The following API5 variants were observed in gnomAD, a reference collection of about 807,000 sequenced individuals.
API5 encodes the protein FIF.
A neutral mutation model predicts 71.9 loss-of-function variants in API5; 6 were observed. That is an observed-to-expected ratio of 0.08 (90% CI 0.05 to 0.16). The LOEUF is 0.16. API5 is among the 10% of genes least tolerant of loss of function. API5 has a pLI of 1.00. For synonymous variants in API5, 189 were observed against 221.3 expected, an observed-to-expected ratio of 0.85 and a Z score of 1.30; for missense variants, 332 against 612.8, an observed-to-expected ratio of 0.54 and a Z score of 4.84.
At chr11:43,330,134 A>G in intron 10 of API5, 76 bp downstream of exon 10, 2 of 1,192,936 alleles carry the variant, frequency 1.7e-6, no homozygotes, top group Non-Finnish European at 2.4e-6. Context: ...GGAGTTTTTC[A>G]TTTTCCCTTA....
chr11:43,341,369 C>G (rs1377770577), intron 13 of API5, among the ~76,000 whole-genome samples: 1 of 152,042 alleles, frequency 6.6e-6, no homozygotes, highest in Non-Finnish European at 1.5e-5. Context: ...AATGGCTAAA[C>G]AAGATGTGGT....
rs1462901801 is a variant in API5, at chr11:43,344,364, C to T, written c.*1854C>T. On this transcript the variant is annotated 3_prime_UTR_variant, in exon 14 of 14. Coordinates refer to ENST00000531273, the MANE Select transcript of API5 (RefSeq NM_001142930.2). ...TCCCTTATCCCTCACCCTTCCCCTT[C>T]CCTTTCCTAAGGCAATAGTGCACAA... 2 of 152,654 alleles carry T rather than the reference C, an allele frequency of 1.3e-5. No individual in the cohort carries two copies. Among genetic ancestry groups the T allele is most frequent in the Non-Finnish European group, 2.9e-5 (2 of 68,046 alleles). 9.5% of individuals were successfully genotyped at this position (152,654 alleles called of 1,614,324 possible).
At chr11:43,331,422 CAGTT>C (rs2134370249) in intron 11 of API5, 1 of 154,806 alleles carries the variant, frequency 6.5e-6, no homozygotes, top group South Asian at 2.0e-4. Context: ...ATAACATAAA[CAGTT>C]AATTAACACA....
intron 2 of API5, 109 bp from the exon 3 acceptor site, chr11:43,320,712 C>T: frequency 1.1e-6 from 1 of 926,766 alleles, no homozygotes; most frequent in South Asian, 1.6e-5. Flanking sequence ...ACCTGGGCAA[C>T]AGAGCAATAC....
At chr11:43,333,534 T>C (rs1247648810) in intron 11 of API5, among the ~76,000 whole-genome samples, 2 of 152,214 alleles carry the variant, frequency 1.3e-5, no homozygotes, top group Non-Finnish European at 2.9e-5. Flanking sequence ...CTGGCTACTA[T>C]TGATTACATT....
rs1854487528 is a variant in API5 at position 43,312,044 on chromosome 11, A to G, written c.-84A>G. 2 of 1,449,600 alleles carry G rather than the reference A, an allele frequency of 1.4e-6. No individual in the cohort carries two copies. The highest frequency in any genetic ancestry group is 2.3e-5 in the East Asian group (1 of 42,884). 89.8% of individuals were successfully genotyped at this position (1,449,600 alleles called of 1,614,324 possible). ...CAGCTGGAGGTGTAATAGTGCGGGT[A>G]GTGGGTTTGGAGAAGTTCCGAGGCG... On this transcript the variant is annotated 5_prime_UTR_variant, in exon 1 of 14. Transcript: ENST00000531273.
intron 1 of API5, among the ~76,000 whole-genome samples, chr11:43,313,646 A>G (rs2134334197): frequency 6.6e-6 from 1 of 152,322 alleles, no homozygotes; most frequent in South Asian, 2.1e-4. Context: ...AGAATATACC[A>G]GTTTGAAATA....
rs753414483 is a variant in API5 at position 43,321,526 on chromosome 11, A to G, written c.391+50A>G. On this transcript the variant is annotated intron_variant, in intron 4 of 13. Coordinates refer to ENST00000531273, the MANE Select transcript of API5 (RefSeq NM_001142930.2). ...TGTGTTTGATGTCTTACAGAATCAC[A>G]AAGTTAGGTGTTACTCATTAAGAAT... 2.2e-6 allele frequency: 3 copies of G among 1,386,004 alleles called. No individual in the cohort carries two copies. In the African/African-American group the frequency reaches 4.3e-5, roughly 20 times the overall value. The allele number at this position is 1,386,004 out of a possible 1,614,324, so 85.9% of individuals were successfully genotyped here. A position where few individuals can be genotyped will look rare whatever the true frequency, so the allele number is the denominator to read the frequency against.
rs372529175 is a variant in API5 at position 43,330,615 on chromosome 11, A to G, written c.1278+51A>G. 5.1e-6 allele frequency: 7 copies of G among 1,376,638 alleles called. No homozygotes were observed. The African/African-American group carries it at 1.0e-4, about 20-fold the overall frequency. The allele number at this position is 1,376,638 out of a possible 1,614,324, so 85.3% of individuals were successfully genotyped here. A position where few individuals can be genotyped will look rare whatever the true frequency, so the allele number is the denominator to read the frequency against. ...TTCTGCAGTTACCATAAAATCATAC[A>G]TTTATTTATTTAAAAGTTTTGCATA... is the stretch of plus-strand genomic sequence containing the variant. On this transcript the variant is annotated intron_variant, in intron 11 of 13. Coordinates refer to ENST00000531273, the MANE Select transcript of API5 (RefSeq NM_001142930.2).
chr11:43,312,060 T>G lies in API5; in HGVS notation c.-68T>G. The G allele has an allele frequency of 6.4e-7, 1 of 1,572,106 alleles. No homozygotes were observed. Among genetic ancestry groups the G allele is most frequent in the Non-Finnish European group, 8.7e-7 (1 of 1,147,728 alleles). On this transcript the variant is annotated 5_prime_UTR_variant, in exon 1 of 14. Transcript: ENST00000531273. Reference sequence around the variant, plus strand: ...AGTGCGGGTAGTGGGTTTGGAGAAGTTCCGAGGCGGCGGTGGCGCCGGTCA... The same window carrying G: ...AGTGCGGGTAGTGGGTTTGGAGAAGGTCCGAGGCGGCGGTGGCGCCGGTCA...
At chr11:43,312,489 G>C (rs1854511690) in intron 1 of API5, among the ~76,000 whole-genome samples, 1 of 318 alleles carries the variant, frequency 3.1e-3, no homozygotes, top group Admixed American at 0.028. Flanking sequence ...TCTTCTCACG[G>C]AGCTTTTCTC....
At chr11:43,341,668 T>C (rs1565115782) in intron 13 of API5, among the ~76,000 whole-genome samples, 1 of 152,186 alleles carries the variant, frequency 6.6e-6, no homozygotes, top group Non-Finnish European at 1.5e-5. Context: ...TGTGTACCAC[T>C]ATAGCATGAC....
At chr11:43,318,191 T>C (rs1315111635) in intron 1 of API5, among the ~76,000 whole-genome samples, 2 of 151,492 alleles carry the variant, frequency 1.3e-5, no homozygotes. Context: ...TGTGTTTTAG[T>C]AGAGACGGGG....
At chr11:43,341,937 C>A (rs1855629804) in intron 13 of API5, among the ~76,000 whole-genome samples, 1 of 152,000 alleles carries the variant, frequency 6.6e-6, no homozygotes, top group African/African-American at 2.4e-5. Flanking sequence ...TCCCTTGAGG[C>A]CTGCAGTTTG....
chr11:43,339,784 C>T (rs547285812), intron 13 of API5, among the ~76,000 whole-genome samples: 13 of 152,236 alleles, frequency 8.5e-5, no homozygotes, highest in Non-Finnish European at 1.9e-4. Context: ...ACAAAAATTG[C>T]ATATTTATTG....
chr11:43,339,147 A>C (rs1004899276), intron 13 of API5: 1 of 152,236 alleles, frequency 6.6e-6, no homozygotes, highest in African/African-American at 2.4e-5. Context: ...ACTTTGAATC[A>C]GACCCATTCT....
intron 13 of API5, among the ~76,000 whole-genome samples, chr11:43,336,976 C>G (rs1855455183): frequency 6.9e-6 from 1 of 145,300 alleles, no homozygotes; most frequent in Non-Finnish European, 1.5e-5. Flanking sequence ...CCACTGTACT[C>G]CAGCCTAGGC....
chr11:43,316,674 A>G (rs1048646329), intron 1 of API5, among the ~76,000 whole-genome samples: 2 of 152,006 alleles, frequency 1.3e-5, no homozygotes, highest in African/African-American at 4.8e-5. Context: ...GCTGGAGTGC[A>G]GTGGCGCGAC....
At chr11:43,329,396 T>C (rs1855178511) in intron 9 of API5, 2 of 155,258 alleles carry the variant, frequency 1.3e-5, no homozygotes, top group African/African-American at 4.8e-5. Context: ...AGAAATGACT[T>C]AACAAATCCA....
Sources: allele counts gnomAD v4.1 joint callset (sites outside exome capture counted in the v4.1 genomes callset), GRCh38; gene constraint gnomAD v4.1.1; transcripts MANE v1.5; gene names NCBI Gene and HGNC (gene_info 2026-07-23, HGNC 2026-07-21).